Variants in ATP12A observed in about 807,000 individuals in gnomAD.
ATP12A encodes the protein potassium-transporting ATPase alpha chain 2.
Under a neutral mutation model 111.2 loss-of-function variants are expected in ATP12A, and 81 were observed. The observed-to-expected ratio is 0.73, with a 90% CI of 0.61 to 0.88. The LOEUF is 0.88. Ranked by LOEUF, ATP12A falls within the 40% of genes least tolerant of loss-of-function variation. ATP12A has a pLI of 0.00. For missense variants in ATP12A, 1,196 were observed against 1,313.1 expected (o/e 0.91, Z 1.38); for synonymous variants, 498 against 499.8 (o/e 1.00, Z 0.05).
At position 24,712,463 on chromosome 13, in the gene ATP12A, T is replaced by C. The variant is rs1644867503; in HGVS notation, c.*941T>C. On this transcript the variant is annotated 3_prime_UTR_variant, in exon 23 of 23. Coordinates refer to ENST00000381946, the MANE Select transcript of ATP12A (RefSeq NM_001676.7). ...CCTCATTTTTAACTAAAAGATGTTT[T>C]ATAAACCCAGGTTTAATTGTGGTGT... 1 of 152,242 alleles carries C rather than the reference T, an allele frequency of 6.6e-6. No homozygotes were observed. The highest frequency in any genetic ancestry group is 2.4e-5 in the African/African-American group (1 of 41,448). The allele number at this position is 152,242 out of a possible 1,614,324, so 9.4% of individuals were successfully genotyped here.
chr13:24,702,650 A>G (rs527238761), intron 14 of ATP12A, among the ~76,000 whole-genome samples: 2 of 152,264 alleles, frequency 1.3e-5, no homozygotes, highest in East Asian at 3.9e-4. Context: ...CTGTACATTC[A>G]CTCATGTATT....
rs897659533 is a variant in ATP12A at position 24,711,952 on chromosome 13, G to T, written c.*430G>T. 4.9e-6 allele frequency: 1 copy of T among 204,666 alleles called. No homozygotes were observed. The highest frequency in any genetic ancestry group is 2.3e-5 in the African/African-American group (1 of 42,692). The allele number at this position is 204,666 out of a possible 1,614,324, so 12.7% of individuals were successfully genotyped here. ...AAGATTTCTGCAGATCCCCTGAGAAGGTATGTTTTCATGGTCTCCTTGCTC... is the reference window on the plus strand; with the variant it reads ...AAGATTTCTGCAGATCCCCTGAGAATGTATGTTTTCATGGTCTCCTTGCTC... On this transcript the variant is annotated 3_prime_UTR_variant, in exon 23 of 23. Coordinates refer to ENST00000381946, the MANE Select transcript of ATP12A (RefSeq NM_001676.7).
chr13:24,694,157 C>T (rs990425865), intron 10 of ATP12A, among the ~76,000 whole-genome samples: 1 of 152,278 alleles, frequency 6.6e-6, no homozygotes, highest in African/African-American at 2.4e-5. Flanking sequence ...GCTTTCTTCT[C>T]TGTGTATCGG....
chr13:24,694,709 C>T (rs1875061943), intron 11 of ATP12A, 131 bp downstream of exon 11: 10 of 1,408,246 alleles, frequency 7.1e-6, no homozygotes, highest in Non-Finnish European at 9.8e-6. Flanking sequence ...ATACAGCACC[C>T]AGGCATCTGG....
chr13:24,709,919 A>G, intron 19 of ATP12A, 91 bp downstream of exon 19: 1 of 1,545,094 alleles, frequency 6.5e-7, no homozygotes, highest in Non-Finnish European at 8.8e-7. Flanking sequence ...CATGTCCCTG[A>G]ACAGCCTGGG....
intron 2 of ATP12A, among the ~76,000 whole-genome samples, chr13:24,682,388 GTGTGGTGTGTGTA>G (rs1874512347): frequency 2.9e-5 from 4 of 137,140 alleles, no homozygotes; most frequent in African/African-American, 1.1e-4. Context: ...TGTGTGTGGT[GTGTGGTGTGTGTA>G]TGTGTGTGTG....
intron 12 of ATP12A, among the ~76,000 whole-genome samples, chr13:24,699,419 C>T (rs75191957): frequency 0.022 from 3,352 of 152,150 alleles, 131 homozygotes; most frequent in African/African-American, 0.076. Context: ...ATGTCTTTGG[C>T]GGCAGCAGGG....
Position 24,698,686 on chromosome 13 carries a change from A to G in ATP12A, c.1541A>G (p.His514Arg). The change falls in exon 12 of 23, where the codon CAC (histidine) becomes CGC (arginine). Residue 514 changes from histidine (H) to arginine (R), a missense_variant. His to Arg is a conservative substitution (Grantham distance 29). Around this residue, in one of 3 missense-constraint regions of ATP12A, gnomAD observed 1,126 missense variants for 1,228.5 expected, o/e 0.92. Coordinates refer to ENST00000381946, the MANE Select transcript of ATP12A (RefSeq NM_001676.7). ...QLSIHEMDDP[H>R]GKRFLMVMKG... ...TCCATCCACGAGATGGATGACCCCCACGGCAAGCGCTTCCTCATGGTGATG... is the reference window on the plus strand; with the variant it reads ...TCCATCCACGAGATGGATGACCCCCGCGGCAAGCGCTTCCTCATGGTGATG... 1 of 1,613,648 alleles carries G rather than the reference A, an allele frequency of 6.2e-7. No individual in the cohort carries two copies.
In ATP12A at chr13:24,707,125, A is replaced by C. The variant is rs751490484; in HGVS notation, c.2272A>C (p.Lys758Gln). The C allele has an allele frequency of 4.0e-5, 65 of 1,613,980 alleles. No homozygotes were observed. Among genetic ancestry groups the C allele is most frequent in the Non-Finnish European group, 5.3e-5 (62 of 1,180,020 alleles). The change falls in exon 16 of 23, where the codon AAA becomes CAA. Residue 758 changes from lysine to glutamine, a missense_variant. Physicochemically the swap from Lys to Gln is moderately conservative, Grantham distance 53. Transcript: ENST00000381946. ...AMGIAGSDAA[K>Q]NAADMVLLDD... ...GGGGATAGCAGGTTCTGATGCAGCC[A>C]AAAATGCAGCCGACATGGTCTTGCT...
chr13:24,687,625 C>T (rs1193295086), intron 3 of ATP12A, among the ~76,000 whole-genome samples: 4 of 152,196 alleles, frequency 2.6e-5, no homozygotes, highest in Non-Finnish European at 4.4e-5. Flanking sequence ...ATGGCAGGCC[C>T]CCCAGGGCAG....
chr13:24,710,641 A>C (rs1250399273), intron 20 of ATP12A, 48 bp downstream of exon 20: 5 of 1,612,422 alleles, frequency 3.1e-6, no homozygotes, highest in Admixed American at 3.3e-5. Flanking sequence ...CCTGCCGTGC[A>C]AGGATGATGA....
chr13:24,709,754 A>G lies in ATP12A; in HGVS notation c.2689A>G (p.Thr897Ala), dbSNP rs1875880041. ...TGCACAAGAGGGCTTTCTGCCCCGCACTCTCATTAACCTGCGGGTAGAATG... is the reference window on the plus strand; with the variant it reads ...TGCACAAGAGGGCTTTCTGCCCCGCGCTCTCATTAACCTGCGGGTAGAATG... ...VYAQEGFLPRTLINLRVEWEK... is the reference protein window; with the variant it reads ...VYAQEGFLPRALINLRVEWEK... Residue 897 changes from threonine (T) to alanine (A), a missense_variant, in exon 19 of 23, where the codon ACT becomes GCT. By Grantham distance (58) the Thr-to-Ala change is moderately conservative (BLOSUM62 0). Around this residue, in one of 3 missense-constraint regions of ATP12A, gnomAD observed 1,126 missense variants for 1,228.5 expected, o/e 0.92. Coordinates refer to ENST00000381946, the MANE Select transcript of ATP12A (RefSeq NM_001676.7). 1.9e-6 allele frequency: 3 copies of G among 1,614,054 alleles called. No homozygotes were observed. The East Asian group carries it at 6.7e-5, about 36-fold the overall frequency.
intron 2 of ATP12A, among the ~76,000 whole-genome samples, chr13:24,681,940 G>A (rs12869677): frequency 7.4e-6 from 1 of 135,860 alleles, no homozygotes; most frequent in Non-Finnish European, 1.6e-5. Flanking sequence ...TGTAGTGTGT[G>A]GTGTGTGTGT....
intron 2 of ATP12A, among the ~76,000 whole-genome samples, chr13:24,682,559 C>CA (rs1702918097): frequency 6.6e-6 from 1 of 152,082 alleles, no homozygotes; most frequent in Non-Finnish European, 1.5e-5. Flanking sequence ...TCTCTCCCCG[C>CA]AGCTGCTTCA....
At chr13:24,706,760 A>C in intron 15 of ATP12A, among the ~76,000 whole-genome samples, 1 of 152,222 alleles carries the variant, frequency 6.6e-6, no homozygotes, top group East Asian at 1.9e-4. Context: ...TTAAAATGCA[A>C]AGATTTAAAA....
chr13:24,693,042 G>A, intron 10 of ATP12A, 146 bp downstream of exon 10: 7 of 696,872 alleles, frequency 1.0e-5, no homozygotes, highest in Non-Finnish European at 1.7e-5. Context: ...AAGACATCCA[G>A]AAATTTTTCT....
rs748590069 is a variant in ATP12A, at chr13:24,711,560, G to A, written c.*38G>A. The A allele has an allele frequency of 6.2e-7, 1 of 1,613,232 alleles. No homozygotes were observed. The highest frequency in any genetic ancestry group is 2.2e-5 in the East Asian group (1 of 44,876). On this transcript the variant is annotated 3_prime_UTR_variant, in exon 23 of 23. Coordinates refer to ENST00000381946, the MANE Select transcript of ATP12A (RefSeq NM_001676.7). Reference sequence around the variant, plus strand: ...TCCTATGTCTCTCAGCAGCACGTTGGGGCACACTTGTTCATCTTCTGACCG... The same window carrying A: ...TCCTATGTCTCTCAGCAGCACGTTGAGGCACACTTGTTCATCTTCTGACCG...
At position 24,690,999 on chromosome 13, in the gene ATP12A, G is replaced by C; in HGVS notation, c.817G>C (p.Val273Leu). 6.2e-7 allele frequency: 1 copy of C among 1,614,206 alleles called. No individual in the cohort carries two copies. The change falls in exon 8 of 23, where the codon GTT (valine) becomes CTT (leucine). Residue 273 changes from valine to leucine, a missense_variant. Val to Leu is a conservative substitution (Grantham distance 32, BLOSUM62 1). Around this residue, in one of 3 missense-constraint regions of ATP12A, gnomAD observed 1,126 missense variants for 1,228.5 expected, o/e 0.92. Transcript: ENST00000381946. Reference sequence around the variant, plus strand: ...CCCTGTAGGCACTGTCACCGGCATGGTTATCAACACGGGTGACCGCACCAT... The same window carrying C: ...CCCTGTAGGCACTGTCACCGGCATGCTTATCAACACGGGTGACCGCACCAT... ...TCLEGTVTGMVINTGDRTIIG... is the reference protein window; with the variant it reads ...TCLEGTVTGMLINTGDRTIIG...
chr13:24,709,782 A>G lies in ATP12A; in HGVS notation c.2717A>G (p.Glu906Gly). Reference sequence around the variant, plus strand: ...CTCATTAACCTGCGGGTAGAATGGGAGAAGGACTACGTGAATGACTTGAAA... The same window carrying G: ...CTCATTAACCTGCGGGTAGAATGGGGGAAGGACTACGTGAATGACTTGAAA... ...RTLINLRVEW[E>G]KDYVNDLKDS... The change falls in exon 19 of 23, where the codon GAG (glutamate) becomes GGG (glycine). Residue 906 changes from glutamate to glycine, a missense_variant. Around this residue, in one of 3 missense-constraint regions of ATP12A, gnomAD observed 1,126 missense variants for 1,228.5 expected, o/e 0.92. Coordinates refer to ENST00000381946, the MANE Select transcript of ATP12A (RefSeq NM_001676.7). 1 of 1,614,162 alleles carries G rather than the reference A, an allele frequency of 6.2e-7. No individual in the cohort carries two copies. Among genetic ancestry groups the G allele is most frequent in the South Asian group, 1.1e-5 (1 of 91,080 alleles).
Sources: allele counts gnomAD v4.1 joint callset (sites outside exome capture counted in the v4.1 genomes callset), GRCh38; gene constraint gnomAD v4.1.1; regional missense constraint gnomAD v4.1.1; transcripts MANE v1.5; gene names NCBI Gene and HGNC (gene_info 2026-07-23, HGNC 2026-07-21).